TRIM16: variants seen among roughly 807,000 people sequenced by gnomAD.
The protein encoded by TRIM16 is tripartite motif-containing protein 16.
TRIM16 carries 33 observed loss-of-function variants against 50.4 expected under a neutral mutation model. That is an observed-to-expected ratio of 0.65 (90% CI 0.50 to 0.88). The LOEUF is 0.88. Ranked by LOEUF, TRIM16 falls within the 40% of genes least tolerant of loss-of-function variation. The probability of loss-of-function intolerance (pLI) is 0.00; values close to 1 mark genes in which losing one functional copy is unlikely to be tolerated. For synonymous variants in TRIM16, 229 were observed against 270.7 expected (o/e 0.85, Z 1.51); for missense variants, 581 against 686.8 (o/e 0.85, Z 1.72).
intron 6 of TRIM16, among the ~76,000 whole-genome samples, chr17:15,653,342 C>A (rs919105406): frequency 6.6e-6 from 1 of 152,154 alleles, no homozygotes; most frequent in Non-Finnish European, 1.5e-5. Flanking sequence ...TATACGTTAC[C>A]CCCACCCCCT....
rs1156808842 is a variant in TRIM16 at position 15,636,288 on chromosome 17, G to A, written c.616-19C>T. On this transcript the variant is annotated intron_variant, in intron 8 of 11. Coordinates refer to ENST00000649191, the MANE Select transcript of TRIM16 (RefSeq NM_001348119.1). The stretch of plus-strand genomic sequence containing the variant: ...CCGACACCTGGCAGGGGGTGGGGGT[G>A]GAAGGCAGCCAAACATTTCTTAGTG... The A allele has an allele frequency of 4.4e-6, 7 of 1,606,960 alleles. No homozygotes were observed. The highest frequency in any genetic ancestry group is 1.1e-5 in the South Asian group (1 of 89,980).
chr17:15,637,928 CTGT>C (rs1986916973), intron 8 of TRIM16, among the ~76,000 whole-genome samples: 1 of 141,934 alleles, frequency 7.0e-6, no homozygotes, highest in South Asian at 2.4e-4. Flanking sequence ...CTTTGGGATC[CTGT>C]TGATCTGTGA....
intron 6 of TRIM16, among the ~76,000 whole-genome samples, chr17:15,653,392 A>G (rs1987823048): frequency 1.3e-5 from 2 of 152,106 alleles, no homozygotes; most frequent in Admixed American, 6.5e-5. Context: ...AGTAAGACGC[A>G]TGGTGTGTGA....
chr17:15,635,697 C>T (rs905945262), intron 9 of TRIM16, among the ~76,000 whole-genome samples: 2 of 121,958 alleles, frequency 1.6e-5, no homozygotes, highest in African/African-American at 6.7e-5. Context: ...GTACCCCAGG[C>T]TCCACCCCTA....
At chr17:15,630,377 C>A (rs1290657488) in intron 11 of TRIM16, among the ~76,000 whole-genome samples, 3 of 152,138 alleles carry the variant, frequency 2.0e-5, no homozygotes, top group Non-Finnish European at 4.4e-5. Context: ...AATATATATT[C>A]ATGTGAGTGT....
rs1987684507 is a variant in TRIM16, at chr17:15,651,273, TG to T, written c.336del (p.Lys113AsnfsTer7). 6.2e-7 allele frequency: 1 copy of T among 1,614,100 alleles called. No homozygotes were observed. Among genetic ancestry groups the T allele is most frequent in the Admixed American group, 1.7e-5 (1 of 60,008 alleles). ...EEHLQPHQVN[I>X]KLQSHLLTEP... ...TCGGTCAGCAGGTGGCTTTGCAGTT[TG>T]ATGTTCACCTGATGCGGCTGCAAGT... is the stretch of plus-strand genomic sequence containing the variant. On this transcript the variant is annotated frameshift_variant, in exon 7 of 12. Coordinates refer to ENST00000649191, the MANE Select transcript of TRIM16 (RefSeq NM_001348119.1). LOFTEE classifies it high-confidence loss of function.
At position 15,628,548 on chromosome 17, in the gene TRIM16, C is replaced by G; in HGVS notation, c.*67G>C. The G allele has an allele frequency of 6.7e-7, 1 of 1,483,856 alleles. No individual in the cohort carries two copies. The highest frequency in any genetic ancestry group is 2.4e-5 in the Admixed American group (1 of 41,806). The allele number at this position is 1,483,856 out of a possible 1,614,324, so 91.9% of individuals were successfully genotyped here. On this transcript the variant is annotated 3_prime_UTR_variant, in exon 12 of 12. Coordinates refer to ENST00000649191, the MANE Select transcript of TRIM16 (RefSeq NM_001348119.1). ...TACCATCAGCAGTTATTTCTGCCCC[C>G]AAATCACCCTAAAATGCAAATCCCA...
intron 6 of TRIM16, among the ~76,000 whole-genome samples, chr17:15,676,084 C>T (rs1988928865): frequency 2.0e-5 from 3 of 152,080 alleles, no homozygotes; most frequent in Non-Finnish European, 4.4e-5. Flanking sequence ...CCAGACATTA[C>T]CACTTAGAGC....
In TRIM16 at chr17:15,651,617, G is replaced by T; in HGVS notation, c.-8C>A. 6.2e-7 allele frequency: 1 copy of T among 1,612,418 alleles called. No individual in the cohort carries two copies. Among genetic ancestry groups the T allele is most frequent in the Non-Finnish European group, 8.5e-7 (1 of 1,179,280 alleles). On this transcript the variant is annotated 5_prime_UTR_variant, in exon 7 of 12. Coordinates refer to ENST00000649191, the MANE Select transcript of TRIM16 (RefSeq NM_001348119.1). ...TAGATCCAACTCAGCCATCTGGGAGGCTCTGCTCCTAGGCTGTCTTTCTTC... is the reference window on the plus strand; with the variant it reads ...TAGATCCAACTCAGCCATCTGGGAGTCTCTGCTCCTAGGCTGTCTTTCTTC...
In TRIM16 at chr17:15,631,853, C is replaced by T. The variant is rs4792639; in HGVS notation, c.1016-139G>A. On this transcript the variant is annotated intron_variant, in intron 10 of 11. Transcript: ENST00000649191. Reference sequence around the variant, plus strand: ...AGCCTGGTAATGTTTCACAGAAATACGCTCAATAGACTACATTTCTTTCAT... The same window carrying T: ...AGCCTGGTAATGTTTCACAGAAATATGCTCAATAGACTACATTTCTTTCAT... 0.016 allele frequency: 11,759 copies of T among 714,576 alleles called. 1,061 individuals are homozygous for T. In the African/African-American group the frequency reaches 0.18, roughly 11 times the overall value. The allele number at this position is 714,576 out of a possible 1,614,324, so 44.3% of individuals were successfully genotyped here.
At chr17:15,675,379 G>C (rs1258378314) in intron 6 of TRIM16, 1 of 163,668 alleles carries the variant, frequency 6.1e-6, no homozygotes, top group African/African-American at 2.4e-5. Flanking sequence ...CATTCAGGGA[G>C]ATTCTCCACT....
At position 15,629,093 on chromosome 17, in the gene TRIM16, G is replaced by A. The variant is rs1479639529; in HGVS notation, c.1217C>T (p.Pro406Leu). 6.2e-6 allele frequency: 10 copies of A among 1,613,906 alleles called. No individual in the cohort carries two copies. The highest frequency in any genetic ancestry group is 1.6e-4 in the Middle Eastern group (1 of 6,062). The change falls in exon 12 of 12, where the codon CCG becomes CTG. Residue 406 changes from proline to leucine, a missense_variant. Coordinates refer to ENST00000649191, the MANE Select transcript of TRIM16 (RefSeq NM_001348119.1). ...TNTTPWEHPYPDLPSRFLHWR... is the reference protein window; with the variant it reads ...TNTTPWEHPYLDLPSRFLHWR... Reference sequence around the variant, plus strand: ...GTGCAGGAACCTGCTGGGGAGGTCCGGGTAGGGATGCTCCCAGGGCGTGGT... The same window carrying A: ...GTGCAGGAACCTGCTGGGGAGGTCCAGGTAGGGATGCTCCCAGGGCGTGGT...
At chr17:15,637,117 G>C (rs1433503171) in intron 8 of TRIM16, among the ~76,000 whole-genome samples, 5 of 89,254 alleles carry the variant, frequency 5.6e-5, no homozygotes, top group Admixed American at 4.0e-4. Context: ...GAGGGAGGTG[G>C]GGGGGGGGGG....
rs201801259 is a variant in TRIM16 at position 15,651,146 on chromosome 17, T to C, written c.464A>G (p.Gln155Arg). Residue 155 changes from glutamine to arginine, a missense_variant, in exon 7 of 12, where the codon CAG becomes CGG. By Grantham distance (43) the Gln-to-Arg change is conservative (BLOSUM62 1). This residue lies in a region of TRIM16 where 450 missense variants were observed against 544.3 expected (regional missense o/e 0.83). Coordinates refer to ENST00000649191, the MANE Select transcript of TRIM16 (RefSeq NM_001348119.1). ...DQQCICQDCC[Q>R]EHSGHTIVSL... ...GACTATGGTGTGGCCACTGTGCTCCTGGCAACAGTCCTGGCAGATGCACTG... is the reference window on the plus strand; with the variant it reads ...GACTATGGTGTGGCCACTGTGCTCCCGGCAACAGTCCTGGCAGATGCACTG... 6.2e-6 allele frequency: 10 copies of C among 1,614,130 alleles called. No homozygotes were observed. The Admixed American group carries it at 1.7e-4, about 27-fold the overall frequency.
Position 15,656,928 on chromosome 17 carries a change from G to T in TRIM16, c.-337-4982C>A, listed in dbSNP as rs985747007. Among the ~76,000 whole-genome samples, 4 of 151,882 alleles carry T rather than the reference G, an allele frequency of 2.6e-5. No individual in the cohort carries two copies. The East Asian group carries it at 7.8e-4, about 30-fold the overall frequency. ...GTGCTCCACCACACTTGGCTAATTT[G>T]TAAGTTTTTAAATTTTTTGTAGAGA... On this transcript the variant is annotated intron_variant, in intron 6 of 11. Coordinates refer to ENST00000649191, the MANE Select transcript of TRIM16 (RefSeq NM_001348119.1).
At chr17:15,640,880 T>C (rs1249170554) in intron 8 of TRIM16, among the ~76,000 whole-genome samples, 1 of 148,698 alleles carries the variant, frequency 6.7e-6, no homozygotes, top group Non-Finnish European at 1.5e-5. Flanking sequence ...CCGCTCCCGA[T>C]GACCTCCAGA....
intron 8 of TRIM16, among the ~76,000 whole-genome samples, chr17:15,641,159 C>A (rs1987097145): frequency 1.4e-5 from 2 of 147,788 alleles, no homozygotes; most frequent in South Asian, 4.4e-4. Flanking sequence ...CATTCCTAAA[C>A]CCTCCCATTG....
At chr17:15,674,350 C>A (rs1171863207) in intron 6 of TRIM16, among the ~76,000 whole-genome samples, 1 of 149,480 alleles carries the variant, frequency 6.7e-6, no homozygotes, top group Non-Finnish European at 1.5e-5. Context: ...AGCCTGGTGA[C>A]AGAGCAAGAC....
rs535590168 is a variant in TRIM16, at chr17:15,638,258, T to TAAAAA, written c.616-1994_616-1990dup. 9.2e-3 allele frequency among the ~76,000 whole-genome samples: 1,054 copies of TAAAAA among 114,968 alleles called. 29 individuals carry two copies. The highest frequency in any genetic ancestry group is 0.047 in the Middle Eastern group (11 of 232). The allele number at this position is 114,968 out of a possible 152,430, so 75.4% of individuals were successfully genotyped here. ...AGAATTATCAATAAAAAAATAAATT[T>TAAAAA]AAAAAAAAAAAAAAAAAAGAATTGG... On this transcript the variant is annotated intron_variant, in intron 8 of 11. Coordinates refer to ENST00000649191, the MANE Select transcript of TRIM16 (RefSeq NM_001348119.1).
Sources: allele counts gnomAD v4.1 joint callset (sites outside exome capture counted in the v4.1 genomes callset), GRCh38; gene constraint gnomAD v4.1.1; regional missense constraint gnomAD v4.1.1; transcripts MANE v1.5; gene names NCBI Gene and HGNC (gene_info 2026-07-23, HGNC 2026-07-21).